The following DGKH variants were observed in gnomAD, a reference collection of about 807,000 sequenced individuals.
DGKH encodes DAG kinase eta.
A neutral mutation model predicts 159.3 loss-of-function variants in DGKH; 90 were observed. The ratio of observed to expected loss-of-function variants is 0.57; its 90% CI spans 0.48 to 0.67. The LOEUF (loss-of-function observed/expected upper bound fraction) is 0.67, where lower values mean the gene tolerates loss of function less well. DGKH is among the 30% of genes least tolerant of loss of function. The pLI is 0.00. For synonymous variants in DGKH, 536 were observed against 553.8 expected (o/e 0.97, Z 0.45); for missense variants, 1,181 against 1,506.1 (o/e 0.78, Z 3.57).
intron 18 of DGKH, 141 bp downstream of exon 18, chr13:42,198,736 G>T: frequency 1.3e-6 from 1 of 780,022 alleles, no homozygotes; most frequent in Non-Finnish European, 2.1e-6. Context: ...TACAAAAGTT[G>T]ATAATGCCAA....
intron 11 of DGKH, among the ~76,000 whole-genome samples, chr13:42,169,168 A>G (rs1363187046): frequency 6.6e-6 from 1 of 152,234 alleles, no homozygotes; most frequent in African/African-American, 2.4e-5. Context: ...TTTGATGAGT[A>G]TGGTAGGTAG....
intron 12 of DGKH, among the ~76,000 whole-genome samples, chr13:42,176,245 T>C: frequency 1.3e-5 from 2 of 152,342 alleles, no homozygotes; most frequent in South Asian, 4.1e-4. Context: ...CTGGCATTAA[T>C]GAATTTATTA....
At chr13:42,218,502 CTTTTT>C (rs56173082) in intron 26 of DGKH, among the ~76,000 whole-genome samples, 1 of 88,322 alleles carries the variant, frequency 1.1e-5, no homozygotes, top group Admixed American at 1.3e-4. Flanking sequence ...CATGTGGTGA[CTTTTT>C]TTTTTTTTTT....
chr13:42,110,992 A>G (rs1294587513), intron 1 of DGKH, among the ~76,000 whole-genome samples: 1 of 152,198 alleles, frequency 6.6e-6, no homozygotes, highest in Non-Finnish European at 1.5e-5. Context: ...GCAGCAAACC[A>G]CTATGGCACA....
intron 3 of DGKH, among the ~76,000 whole-genome samples, chr13:42,143,325 T>C (rs991881749): frequency 1.3e-5 from 2 of 152,228 alleles, no homozygotes; most frequent in Admixed American, 6.5e-5. Context: ...GATTTTTGCA[T>C]TGATGTTCAT....
intron 11 of DGKH, among the ~76,000 whole-genome samples, chr13:42,173,691 AT>A (rs1332259781): frequency 6.6e-6 from 1 of 152,210 alleles, no homozygotes; most frequent in Admixed American, 6.5e-5. Context: ...AATGAGCATT[AT>A]TTTTTAAATA....
At position 42,095,156 on chromosome 13, in the gene DGKH, C is replaced by CTTTTTT. The variant is rs776422302; in HGVS notation, c.193-32288_193-32283dup. Among the ~76,000 whole-genome samples, 40 of 76,816 alleles carry CTTTTTT rather than the reference C, an allele frequency of 5.2e-4. 4 individuals carry two copies. The highest frequency in any genetic ancestry group is 1.1e-3 in the South Asian group (2 of 1,784). 50.4% of individuals were successfully genotyped at this position (76,816 alleles called of 152,430 possible). On this transcript the variant is annotated intron_variant, in intron 1 of 29. Transcript: ENST00000337343. ...GCAGCCGCTCAATAAATGTTGACTC[C>CTTTTTT]TTTTTTTTTTTTTTTTTTTTTTTTG...
rs1958405281 is a variant in DGKH at position 42,235,937 on chromosome 13, C to CT, written c.*6754dup. On this transcript the variant is annotated 3_prime_UTR_variant, in exon 30 of 30. Coordinates refer to ENST00000337343, the MANE Select transcript of DGKH (RefSeq NM_178009.5). ...ATTTTCATATTAAAATTTTTCTTAT[C>CT]TTTTTATATCAAAATAATTATGCTG... 2.0e-5 allele frequency: 3 copies of CT among 151,996 alleles called. No homozygotes were observed. Among genetic ancestry groups the CT allele is most frequent in the Non-Finnish European group, 4.4e-5 (3 of 67,952 alleles). 9.4% of individuals were successfully genotyped at this position (151,996 alleles called of 1,614,324 possible).
In DGKH at chr13:42,159,264, A is replaced by ATT; in HGVS notation, c.623-2_623-1insTT. The ATT allele has an allele frequency of 5.0e-5, 5 of 99,100 alleles. No individual in the cohort carries two copies. Among genetic ancestry groups the ATT allele is most frequent in the Non-Finnish European group, 6.4e-5 (4 of 62,598 alleles). 6.1% of individuals were successfully genotyped at this position (99,100 alleles called of 1,614,324 possible). A position where few individuals can be genotyped will look rare whatever the true frequency, so the allele number is the denominator to read the frequency against. ...TTGCTCTTTTTTTTTTTTTTTTTTT[A>ATT]GTGTGTAAATTCAAGGCTCACAAAA... On this transcript the variant is annotated splice_acceptor_variant, in intron 5 of 29. Coordinates refer to ENST00000337343, the MANE Select transcript of DGKH (RefSeq NM_178009.5). LOFTEE classifies it high-confidence loss of function.
In DGKH at chr13:42,203,538, A is replaced by G. The variant is rs77601543; in HGVS notation, c.2494-2501A>G. 2.2e-3 allele frequency among the ~76,000 whole-genome samples: 341 copies of G among 152,358 alleles called. 2 individuals are homozygous for G. Among genetic ancestry groups the G allele is most frequent in the African/African-American group, 8.0e-3 (331 of 41,592 alleles). On this transcript the variant is annotated intron_variant, in intron 20 of 29. Transcript: ENST00000337343. ...CCCAAATACTAAGTGACAGAATTCA[A>G]TCCAGCTCCACCATCTTCCCTCCAT...
chr13:42,091,765 C>T (rs1474148115), intron 1 of DGKH, among the ~76,000 whole-genome samples: 1 of 152,132 alleles, frequency 6.6e-6, no homozygotes, highest in Non-Finnish European at 1.5e-5. Context: ...GGGCAAAATA[C>T]TTGAATAGAC....
chr13:42,083,323 G>A (rs1184297784), intron 1 of DGKH, among the ~76,000 whole-genome samples: 1 of 151,800 alleles, frequency 6.6e-6, no homozygotes, highest in Non-Finnish European at 1.5e-5. Flanking sequence ...TGATGCGAGG[G>A]TGTGGTGATA....
At chr13:42,184,886 T>C (rs1956872876) in intron 13 of DGKH, among the ~76,000 whole-genome samples, 1 of 116,884 alleles carries the variant, frequency 8.6e-6, no homozygotes, top group Non-Finnish European at 1.7e-5. Flanking sequence ...TTTTTTTTTT[T>C]TTAAAAAAAA....
intron 3 of DGKH, among the ~76,000 whole-genome samples, chr13:42,150,358 T>TA (rs1955846569): frequency 6.6e-6 from 1 of 152,180 alleles, no homozygotes; most frequent in Non-Finnish European, 1.5e-5. Context: ...ACTATTTGTC[T>TA]AGTATAACAG....
At position 42,226,651 on chromosome 13, in the gene DGKH, C is replaced by T. The variant is rs569707536; in HGVS notation, c.3574-2448C>T. 4.3e-4 allele frequency among the ~76,000 whole-genome samples: 65 copies of T among 151,588 alleles called. 1 individual carries two copies. The South Asian group carries it at 0.012, about 29-fold the overall frequency. On this transcript the variant is annotated intron_variant, in intron 29 of 29. Coordinates refer to ENST00000337343, the MANE Select transcript of DGKH (RefSeq NM_178009.5). Reference sequence around the variant, plus strand: ...CAGGTGGATCACGAGGTCAGGCATTCGATATCAGCCTGGGCAACATAGTGA... The same window carrying T: ...CAGGTGGATCACGAGGTCAGGCATTTGATATCAGCCTGGGCAACATAGTGA...
At chr13:42,151,600 CACACACACACACA>C (rs1955901414) in intron 3 of DGKH, among the ~76,000 whole-genome samples, 1 of 129,148 alleles carries the variant, frequency 7.7e-6, no homozygotes, top group South Asian at 2.6e-4. Context: ...CACACACACA[CACACACACACACA>C]CCCCATGGAA....
intron 11 of DGKH, among the ~76,000 whole-genome samples, chr13:42,170,334 G>A (rs1318306928): frequency 1.3e-5 from 2 of 152,044 alleles, no homozygotes; most frequent in African/African-American, 4.8e-5. Context: ...GATCACTTGA[G>A]CCCAGGAGGT....
At position 42,242,748 on chromosome 13, in the gene DGKH, T is replaced by C. The variant is rs878918899; in HGVS notation, c.*13560T>C. 1 of 152,188 alleles carries C rather than the reference T, an allele frequency of 6.6e-6. No homozygotes were observed. Among genetic ancestry groups the C allele is most frequent in the African/African-American group, 2.4e-5 (1 of 41,438 alleles). 9.4% of individuals were successfully genotyped at this position (152,188 alleles called of 1,614,324 possible). On this transcript the variant is annotated 3_prime_UTR_variant, in exon 30 of 30. Transcript: ENST00000337343. ...ATTGTGGGATGCATGATTATGTATT[T>C]ATTGTACGGAAGTCACTGACGTGTG...
At chr13:42,188,881 GA>G (rs1404377070) in intron 14 of DGKH, among the ~76,000 whole-genome samples, 154 bp from the exon 15 acceptor site, 3 of 152,160 alleles carry the variant, frequency 2.0e-5, no homozygotes, top group Non-Finnish European at 4.4e-5. Flanking sequence ...GCTGCTTCCA[GA>G]ACCAAAACAT....
Sources: allele counts gnomAD v4.1 joint callset (sites outside exome capture counted in the v4.1 genomes callset), GRCh38; gene constraint gnomAD v4.1.1; transcripts MANE v1.5; gene names NCBI Gene and HGNC (gene_info 2026-07-23, HGNC 2026-07-21).